SHC4: variants seen among roughly 807,000 people sequenced by gnomAD.
SHC4 encodes SHC-transforming protein 4.
In SHC4, 41 loss-of-function variants were observed where a neutral mutation model predicts 69.4. That is an observed-to-expected ratio of 0.59 (90% CI 0.46 to 0.77). The LOEUF (loss-of-function observed/expected upper bound fraction) is 0.77, where lower values mean the gene tolerates loss of function less well. Ranked by LOEUF, SHC4 falls within the 30% of genes least tolerant of loss-of-function variation. The pLI is 0.00. For missense variants in SHC4, 777 were observed against 783.8 expected, an observed-to-expected ratio of 0.99 and a Z score of 0.10; for synonymous variants, 318 against 299.3, an observed-to-expected ratio of 1.06 and a Z score of -0.64.
intron 6 of SHC4, among the ~76,000 whole-genome samples, chr15:48,858,642 T>C (rs1899378516): frequency 6.6e-6 from 1 of 152,186 alleles, no homozygotes; most frequent in Middle Eastern, 3.2e-3. Flanking sequence ...CTCCCTACCA[T>C]ATGTAACATC....
chr15:48,839,215 C>G lies in SHC4; in HGVS notation c.1484-4193G>C, dbSNP rs183853293. On this transcript the variant is annotated intron_variant, in intron 10 of 11. Coordinates refer to ENST00000332408, the MANE Select transcript of SHC4 (RefSeq NM_203349.4). ...GACAATAAAGGAATATTGTGGAAAA[C>G]TCCACACGGAACTGCCTCTAAGCTA... is the stretch of plus-strand genomic sequence containing the variant. Among the ~76,000 whole-genome samples, 4 of 152,258 alleles carry G rather than the reference C, an allele frequency of 2.6e-5. No individual in the cohort carries two copies. The East Asian group carries it at 7.7e-4, about 29-fold the overall frequency.
intron 2 of SHC4, among the ~76,000 whole-genome samples, chr15:48,911,437 C>CA (rs1900506738): frequency 6.6e-6 from 1 of 152,202 alleles, no homozygotes; most frequent in Admixed American, 6.5e-5. Flanking sequence ...CTACCCTACT[C>CA]GTTACTTTAT....
chr15:48,830,920 T>C (rs1898787497), intron 11 of SHC4, among the ~76,000 whole-genome samples: 1 of 152,204 alleles, frequency 6.6e-6, no homozygotes. Flanking sequence ...ATGCAAGTTA[T>C]TGCTCCTTAA....
At chr15:48,890,935 A>G in intron 2 of SHC4, 124 bp from the exon 3 acceptor site, 2 of 992,748 alleles carry the variant, frequency 2.0e-6, no homozygotes, top group Non-Finnish European at 3.1e-6. Context: ...TCTAACACAA[A>G]TGGTATTCTC....
At chr15:48,909,941 G>A (rs1900477712) in intron 2 of SHC4, among the ~76,000 whole-genome samples, 1 of 152,086 alleles carries the variant, frequency 6.6e-6, no homozygotes, top group Non-Finnish European at 1.5e-5. Context: ...TTGATATGTT[G>A]TTGGATTTGG....
At chr15:48,841,801 G>C (rs1011747879) in intron 10 of SHC4, among the ~76,000 whole-genome samples, 2 of 152,170 alleles carry the variant, frequency 1.3e-5, no homozygotes, top group African/African-American at 4.8e-5. Flanking sequence ...GGTTGAATAG[G>C]GTGTCAGGAG....
At chr15:48,835,983 G>A (rs1056447327) in intron 10 of SHC4, among the ~76,000 whole-genome samples, 1 of 131,786 alleles carries the variant, frequency 7.6e-6, no homozygotes, top group Non-Finnish European at 1.5e-5. Context: ...TTCGAGACCA[G>A]CCTGGGAAAC....
At chr15:48,924,532 C>T (rs1567071318) in intron 2 of SHC4, among the ~76,000 whole-genome samples, 2 of 152,200 alleles carry the variant, frequency 1.3e-5, no homozygotes, top group South Asian at 2.1e-4. Context: ...GAAAGTCTTA[C>T]TTGGTCTTAT....
At chr15:48,849,261 T>C (rs968547207) in intron 9 of SHC4, among the ~76,000 whole-genome samples, 4 of 152,116 alleles carry the variant, frequency 2.6e-5, no homozygotes, top group African/African-American at 9.7e-5. Flanking sequence ...CTATGTCCCT[T>C]TCCTACTTCC....
rs765412776 is a variant in SHC4 at position 48,878,536 on chromosome 15, C to T, written c.840+5712G>A. 17 of 1,613,928 alleles carry T rather than the reference C, an allele frequency of 1.1e-5. No homozygotes were observed. The South Asian group carries it at 1.6e-4, about 16-fold the overall frequency. ...CCGAAGAGGAGCAGCTCAGTGGTGC[C>T]GGCTACAGAGTATCAGCCGCTCTTG... is the stretch of plus-strand genomic sequence containing the variant. On this transcript the variant is annotated intron_variant, in intron 4 of 11. Coordinates refer to ENST00000332408, the MANE Select transcript of SHC4 (RefSeq NM_203349.4).
intron 1 of SHC4, among the ~76,000 whole-genome samples, chr15:48,950,049 A>G (rs2141038962): frequency 7.1e-6 from 1 of 141,484 alleles, no homozygotes; most frequent in Admixed American, 7.2e-5. Context: ...ATAATACAAT[A>G]AATATATTTA....
At chr15:48,860,399 T>C (rs1899419149) in intron 6 of SHC4, among the ~76,000 whole-genome samples, 1 of 152,026 alleles carries the variant, frequency 6.6e-6, no homozygotes, top group South Asian at 2.1e-4. Flanking sequence ...CCCAGTTACT[T>C]GGGAGGCTGA....
At chr15:48,922,003 C>G (rs1160119757) in intron 2 of SHC4, among the ~76,000 whole-genome samples, 2 of 152,162 alleles carry the variant, frequency 1.3e-5, no homozygotes, top group Admixed American at 1.3e-4. Flanking sequence ...GTAATTTTCT[C>G]TTTCATACTT....
In SHC4 at chr15:48,917,107, T is replaced by G. The variant is rs538549070; in HGVS notation, c.656+7772A>C. Among the ~76,000 whole-genome samples the G allele has an allele frequency of 3.9e-5, 6 of 152,330 alleles. No homozygotes were observed. In the East Asian group the frequency reaches 1.2e-3, roughly 29 times the overall value. ...GATGTGTCTATTCCTCCTTCAGCGT[T>G]TGATGCAGGTTCCCACCTAGACACA... On this transcript the variant is annotated intron_variant, in intron 2 of 11. Coordinates refer to ENST00000332408, the MANE Select transcript of SHC4 (RefSeq NM_203349.4).
intron 2 of SHC4, among the ~76,000 whole-genome samples, chr15:48,895,741 G>A (rs1231724266): frequency 6.6e-6 from 1 of 152,034 alleles, no homozygotes; most frequent in Non-Finnish European, 1.5e-5. Flanking sequence ...ACAAAACTCT[G>A]CTCAAAAGAA....
intron 8 of SHC4, among the ~76,000 whole-genome samples, chr15:48,853,436 C>T (rs1899253988): frequency 6.6e-6 from 1 of 152,056 alleles, no homozygotes; most frequent in African/African-American, 2.4e-5. Flanking sequence ...AGTGCTATTC[C>T]AATAAAACAC....
intron 1 of SHC4, among the ~76,000 whole-genome samples, chr15:48,959,576 C>T (rs1261227650): frequency 6.6e-6 from 1 of 152,142 alleles, no homozygotes; most frequent in African/African-American, 2.4e-5. Flanking sequence ...TAAACTTTGC[C>T]CCTAAATCCA....
At chr15:48,876,349 C>G (rs1331745828) in intron 4 of SHC4, among the ~76,000 whole-genome samples, 1 of 152,086 alleles carries the variant, frequency 6.6e-6, no homozygotes, top group African/African-American at 2.4e-5. Flanking sequence ...CCAGCTGGTG[C>G]ATGATCACCT....
intron 1 of SHC4, among the ~76,000 whole-genome samples, chr15:48,944,045 TA>T (rs1901228040): frequency 6.6e-6 from 1 of 152,088 alleles, no homozygotes; most frequent in Admixed American, 6.5e-5. Context: ...AGCACCTTTT[TA>T]TATAGCTGTT....
Sources: allele counts gnomAD v4.1 joint callset (sites outside exome capture counted in the v4.1 genomes callset), GRCh38; gene constraint gnomAD v4.1.1; transcripts MANE v1.5; gene names NCBI Gene and HGNC (gene_info 2026-07-23, HGNC 2026-07-21).